The following BRD2 variants were observed in gnomAD, a reference collection of about 807,000 sequenced individuals.
BRD2 encodes bromodomain-containing protein 2.
BRD2 carries 15 observed loss-of-function variants against 79.1 expected under a neutral mutation model. The observed-to-expected ratio is 0.19, with a 90% confidence interval of 0.13 to 0.29. The LOEUF is 0.29. Ranked by LOEUF, BRD2 falls within the 10% of genes least tolerant of loss-of-function variation. The pLI is 1.00. For synonymous variants in BRD2, 488 were observed against 358.6 expected, an observed-to-expected ratio of 1.36 and a Z score of -4.08; for missense variants, 1,053 against 991.3, an observed-to-expected ratio of 1.06 and a Z score of -0.84.
rs1561949607 is a variant in BRD2, at chr6:32,977,672, T to A, written c.1330-85T>A. The A allele has an allele frequency of 1.9e-6, 3 of 1,603,004 alleles. No homozygotes were observed. The East Asian group carries it at 6.7e-5, about 36-fold the overall frequency. On this transcript the variant is annotated intron_variant, in intron 8 of 12. Coordinates refer to ENST00000374825, the MANE Select transcript of BRD2 (RefSeq NM_005104.4). ...GTGAGGGTCTCACTGTTCTGTACAGTTGTAAATTGGAGCTATATCACTTGG... is the reference window on the plus strand; with the variant it reads ...GTGAGGGTCTCACTGTTCTGTACAGATGTAAATTGGAGCTATATCACTTGG...
intron 1 of BRD2, chr6:32,970,692 C>CG (rs1489645692): frequency 2.0e-5 from 3 of 152,082 alleles, no homozygotes; most frequent in African/African-American, 7.2e-5. Flanking sequence ...TGTAAGGGGG[C>CG]GGGGACGGCC....
chr6:32,972,075 C>A lies in BRD2; in HGVS notation c.-824C>A, dbSNP rs1006654874. 7 of 697,366 alleles carry A rather than the reference C, an allele frequency of 1.0e-5. No individual in the cohort carries two copies. In the African/African-American group the frequency reaches 1.2e-4, roughly 12 times the overall value. The allele number at this position is 697,366 out of a possible 1,614,324, so 43.2% of individuals were successfully genotyped here. A position where few individuals can be genotyped will look rare whatever the true frequency, so the allele number is the denominator to read the frequency against. On this transcript the variant is annotated 5_prime_UTR_variant, in exon 2 of 13. Coordinates refer to ENST00000374825, the MANE Select transcript of BRD2 (RefSeq NM_005104.4). ...CTTCCCCTTCGACTCAGCTTCTTCA[C>A]CCGCGTGAGCGAGCGCGCGCGCGCG...
At chr6:32,975,303 TGTGTGTGA>T (rs1778585000) in intron 3 of BRD2, 73 bp from the exon 4 acceptor site, 29 of 1,152,004 alleles carry the variant, frequency 2.5e-5, no homozygotes, top group Admixed American at 4.4e-5. Flanking sequence ...TGTGTGTGTG[TGTGTGTGA>T]GAGTCGGGGA....
intron 1 of BRD2, 148 bp downstream of exon 1, chr6:32,969,204 G>A: frequency 1.8e-6 from 1 of 558,834 alleles, no homozygotes; most frequent in Non-Finnish European, 3.3e-6. Context: ...ATGGGAGCGT[G>A]GAGGGGGGGC....
rs770077608 is a variant in BRD2 at position 32,976,275 on chromosome 6, C to T, written c.636C>T (p.Ala212=). The part of the protein sequence containing the change: ...LAALQGSVTS[A]HQVPAVSSVS... The stretch of plus-strand genomic sequence containing the variant: ...CGCTCCAGGGCAGTGTTACCAGTGC[C>T]CATCAGGTGCCTGCCGTCTCTTCTG... The change falls in exon 6 of 13, where the codon GCC becomes GCT. Residue 212 remains alanine (A), a synonymous_variant. Transcript: ENST00000374825. The T allele has an allele frequency of 1.7e-5, 27 of 1,613,052 alleles. No individual in the cohort carries two copies. In the South Asian group the frequency reaches 2.6e-4, roughly 16 times the overall value.
chr6:32,973,033 T>A (rs1274682563), intron 2 of BRD2, 106 bp downstream of exon 2: 1 of 1,611,418 alleles, frequency 6.2e-7, no homozygotes, highest in African/African-American at 1.3e-5. Flanking sequence ...GCGCTGCTGT[T>A]GCGGCGCAGC....
Position 32,977,425 on chromosome 6 carries a change from G to A in BRD2, c.1201-17G>A, listed in dbSNP as rs766346957. 1.2e-6 allele frequency: 2 copies of A among 1,613,710 alleles called. No individual in the cohort carries two copies. Among genetic ancestry groups the A allele is most frequent in the South Asian group, 2.2e-5 (2 of 91,084 alleles). ...TCTTCCTGCCTGTGCAGCTTCTGAT[G>A]CTGCCTCCTTCTGCAGCGGAAGATG... On this transcript the variant is annotated splice_polypyrimidine_tract_variant and intron_variant, in intron 7 of 12. Transcript: ENST00000374825.
rs1777656173 is a variant in BRD2, at chr6:32,968,602, G to C, written c.-1759G>C. 1 of 152,882 alleles carries C rather than the reference G, an allele frequency of 6.5e-6. No homozygotes were observed. The allele number at this position is 152,882 out of a possible 1,614,324, so 9.5% of individuals were successfully genotyped here. A position where few individuals can be genotyped will look rare whatever the true frequency, so the allele number is the denominator to read the frequency against. On this transcript the variant is annotated 5_prime_UTR_variant, in exon 1 of 13. Transcript: ENST00000374825. ...TTGCGCCTGCGCTGTGTGTGTTCCT[G>C]GTCTGCGGCAGCCATGCTGAACTCG...
At position 32,972,607 on chromosome 6, in the gene BRD2, C is replaced by A. The variant is rs936264043; in HGVS notation, c.-292C>A. On this transcript the variant is annotated 5_prime_UTR_variant, in exon 2 of 13. Transcript: ENST00000374825. ...CTATATTGACGACGGTGTCTGAGATCGGGGACCGTCTTTTGAAGAGTCAGT... is the reference window on the plus strand; with the variant it reads ...CTATATTGACGACGGTGTCTGAGATAGGGGACCGTCTTTTGAAGAGTCAGT... The A allele has an allele frequency of 1.8e-6, 1 of 563,548 alleles. No homozygotes were observed. Among genetic ancestry groups the A allele is most frequent in the Non-Finnish European group, 3.2e-6 (1 of 316,256 alleles). 34.9% of individuals were successfully genotyped at this position (563,548 alleles called of 1,614,324 possible).
At position 32,977,432 on chromosome 6, in the gene BRD2, CCTT is replaced by C; in HGVS notation, c.1201-7_1201-5del. ...GCCTGTGCAGCTTCTGATGCTGCCT[CCTT>C]CTGCAGCGGAAGATGGAGAACCGTG... is the stretch of plus-strand genomic sequence containing the variant. On this transcript the variant is annotated splice_polypyrimidine_tract_variant and splice_region_variant and intron_variant, in intron 7 of 12. Coordinates refer to ENST00000374825, the MANE Select transcript of BRD2 (RefSeq NM_005104.4). 1 of 1,613,814 alleles carries C rather than the reference CCTT, an allele frequency of 6.2e-7. No homozygotes were observed. The highest frequency in any genetic ancestry group is 8.5e-7 in the Non-Finnish European group (1 of 1,180,026).
chr6:32,978,047 C>G (rs1245359045), intron 9 of BRD2, 42 bp downstream of exon 9: 2 of 1,601,468 alleles, frequency 1.2e-6, no homozygotes, highest in Non-Finnish European at 1.7e-6. Flanking sequence ...GTAAGAGGTT[C>G]ATGCCCTTTG....
chr6:32,980,511 T>A, intron 12 of BRD2, 47 bp downstream of exon 12: 1 of 1,612,364 alleles, frequency 6.2e-7, no homozygotes, highest in Non-Finnish European at 8.5e-7. Context: ...CATCCTGCCT[T>A]CTTGACTGTC....
chr6:32,980,899 T>A lies in BRD2; in HGVS notation c.*181T>A. ...AGGGACATTTACTGAAGGAGGGACA[T>A]GGACAAAACAACATTGAATTCCCAG... On this transcript the variant is annotated 3_prime_UTR_variant, in exon 13 of 13. Coordinates refer to ENST00000374825, the MANE Select transcript of BRD2 (RefSeq NM_005104.4). 1 of 700,814 alleles carries A rather than the reference T, an allele frequency of 1.4e-6. No individual in the cohort carries two copies. Among genetic ancestry groups the A allele is most frequent in the Non-Finnish European group, 2.3e-6 (1 of 428,444 alleles). The allele number at this position is 700,814 out of a possible 1,614,324, so 43.4% of individuals were successfully genotyped here.
Position 32,971,962 on chromosome 6 carries a change from C to A in BRD2, c.-937C>A. 1.4e-6 allele frequency: 1 copy of A among 702,976 alleles called. No homozygotes were observed. The highest frequency in any genetic ancestry group is 2.6e-6 in the Non-Finnish European group (1 of 384,982). 43.5% of individuals were successfully genotyped at this position (702,976 alleles called of 1,614,324 possible). A position where few individuals can be genotyped will look rare whatever the true frequency, so the allele number is the denominator to read the frequency against. Reference sequence around the variant, plus strand: ...CCCTGTGGGTCTCTGCGGCACTCTTCTGCCTGGTGACTGACACCTTGGAAA... The same window carrying A: ...CCCTGTGGGTCTCTGCGGCACTCTTATGCCTGGTGACTGACACCTTGGAAA... On this transcript the variant is annotated 5_prime_UTR_variant, in exon 2 of 13. The change creates a new upstream start codon in the 5' untranslated region. Transcript: ENST00000374825.
In BRD2 at chr6:32,980,134, T is replaced by C; in HGVS notation, c.2146+2T>C. ...GTAAGAAACCCCGGAAGCCCTACAGTACGTATGAAATGAGGTTCATCTCAT... is the reference window on the plus strand; with the variant it reads ...GTAAGAAACCCCGGAAGCCCTACAGCACGTATGAAATGAGGTTCATCTCAT... On this transcript the variant is annotated splice_donor_variant, in intron 11 of 12. Transcript: ENST00000374825. LOFTEE classifies it high-confidence loss of function. 6.2e-7 allele frequency: 1 copy of C among 1,609,804 alleles called. No individual in the cohort carries two copies. The highest frequency in any genetic ancestry group is 8.5e-7 in the Non-Finnish European group (1 of 1,178,774).
chr6:32,980,733 T>TG lies in BRD2; in HGVS notation c.*19dup, dbSNP rs1337960491. 6.2e-7 allele frequency: 1 copy of TG among 1,612,132 alleles called. No individual in the cohort carries two copies. The highest frequency in any genetic ancestry group is 8.5e-7 in the Non-Finnish European group (1 of 1,179,982). On this transcript the variant is annotated 3_prime_UTR_variant, in exon 13 of 13. Coordinates refer to ENST00000374825, the MANE Select transcript of BRD2 (RefSeq NM_005104.4). ...ACTCAGGCTAAGGGGTCAGGCCAGA[T>TG]GGGGCAGGAAGGCTCCGCAGGACCG...
intron 10 of BRD2, chr6:32,979,546 GTTT>G: frequency 2.2e-6 from 1 of 444,652 alleles, no homozygotes; most frequent in Non-Finnish European, 4.0e-6. Flanking sequence ...TCTTTCAACA[GTTT>G]TTCCAACATG....
chr6:32,977,076 G>A (rs1294785505), intron 7 of BRD2, 140 bp downstream of exon 7: 2 of 1,289,910 alleles, frequency 1.6e-6, no homozygotes. Flanking sequence ...GGAACAGAAG[G>A]TCTGGTGTTT....
chr6:32,980,192 G>A, intron 11 of BRD2, 60 bp downstream of exon 11: 1 of 1,579,786 alleles, frequency 6.3e-7, no homozygotes, highest in Non-Finnish European at 8.6e-7. Flanking sequence ...AGATGGTGGG[G>A]TCTGTTTGCA....
Sources: allele counts gnomAD v4.1 joint callset, GRCh38; gene constraint gnomAD v4.1.1; transcripts MANE v1.5; gene names NCBI Gene and HGNC (gene_info 2026-07-23, HGNC 2026-07-21).